THSD7B: variants seen among roughly 807,000 people sequenced by gnomAD.
The protein encoded by THSD7B is thrombospondin type 1 domain containing 7B, also known as thrombospondin type-1 domain-containing protein 7B.
A neutral mutation model predicts 213.6 loss-of-function variants in THSD7B; 138 were observed. The ratio of observed to expected loss-of-function variants is 0.65; its 90% CI spans 0.56 to 0.74. THSD7B has a LOEUF of 0.74. THSD7B is among the 30% of genes least tolerant of loss of function. The pLI is 0.00. For missense variants in THSD7B, 1,931 were observed against 1,991.5 expected, an observed-to-expected ratio of 0.97 and a Z score of 0.58; for synonymous variants, 742 against 687.0, an observed-to-expected ratio of 1.08 and a Z score of -1.25.
intron 12 of THSD7B, among the ~76,000 whole-genome samples, chr2:137,387,425 T>C (rs189802374): frequency 6.6e-6 from 1 of 152,360 alleles, no homozygotes; most frequent in Non-Finnish European, 1.5e-5. Flanking sequence ...TATAGAGCTA[T>C]TTGGAATAAT....
In THSD7B at chr2:136,832,371, T is replaced by C. The variant is rs562975488; in HGVS notation, c.-35-49773T>C. Among the ~76,000 whole-genome samples the C allele has an allele frequency of 4.6e-5, 7 of 152,178 alleles. No individual in the cohort carries two copies. The East Asian group carries it at 1.4e-3, about 29-fold the overall frequency. On this transcript the variant is annotated intron_variant, in intron 1 of 27. Transcript: ENST00000409968. ...GAACCAGGGGGGTGGATGGTTTAAG[T>C]CTCAGTCTGAGGACAGGAGAAGACT...
chr2:137,363,300 G>A (rs567114932), intron 12 of THSD7B, among the ~76,000 whole-genome samples: 11 of 152,172 alleles, frequency 7.2e-5, no homozygotes, highest in African/African-American at 1.2e-4. Context: ...ATCTAAAATC[G>A]ACACCCTAAC....
At chr2:136,809,850 A>C (rs1456359395) in intron 1 of THSD7B, among the ~76,000 whole-genome samples, 1 of 152,126 alleles carries the variant, frequency 6.6e-6, no homozygotes, top group Non-Finnish European at 1.5e-5. Context: ...TAATGAAAAA[A>C]GTGCCAGCCA....
intron 17 of THSD7B, among the ~76,000 whole-genome samples, chr2:137,590,789 A>G (rs1436922770): frequency 9.2e-6 from 1 of 108,582 alleles, no homozygotes; most frequent in African/African-American, 3.5e-5. Context: ...CTGCTTTGAA[A>G]TAGTTTTTTT....
intron 7 of THSD7B, among the ~76,000 whole-genome samples, chr2:137,204,212 A>G (rs1680936217): frequency 6.6e-6 from 1 of 152,108 alleles, no homozygotes; most frequent in African/African-American, 2.4e-5. Flanking sequence ...TGACACTTTT[A>G]TTTAAAGGAA....
At chr2:136,847,983 T>C (rs1683038221) in intron 1 of THSD7B, among the ~76,000 whole-genome samples, 1 of 152,178 alleles carries the variant, frequency 6.6e-6, no homozygotes, top group African/African-American at 2.4e-5. Context: ...CCATACTGGG[T>C]TGTCTCTCAC....
At chr2:136,768,772 A>G (rs1054821420) in intron 1 of THSD7B, among the ~76,000 whole-genome samples, 1 of 152,204 alleles carries the variant, frequency 6.6e-6, no homozygotes, top group African/African-American at 2.4e-5. Flanking sequence ...TATGGATTGC[A>G]CATAAGTGCT....
chr2:136,902,870 C>A (rs1209617006), intron 2 of THSD7B, among the ~76,000 whole-genome samples: 2 of 152,160 alleles, frequency 1.3e-5, no homozygotes, highest in Non-Finnish European at 2.9e-5. Flanking sequence ...AGCAGCCACT[C>A]CATTATATGC....
chr2:137,253,600 T>C (rs1431309537), intron 10 of THSD7B, among the ~76,000 whole-genome samples: 1 of 152,200 alleles, frequency 6.6e-6, no homozygotes, highest in Non-Finnish European at 1.5e-5. Flanking sequence ...CAATATAATA[T>C]GATTCTTATT....
intron 2 of THSD7B, among the ~76,000 whole-genome samples, chr2:137,008,698 G>A (rs1386673026): frequency 1.3e-5 from 2 of 152,028 alleles, no homozygotes; most frequent in African/African-American, 2.4e-5. Flanking sequence ...ATTTGCATGG[G>A]CATCACAATT....
Position 136,836,182 on chromosome 2 carries a change from T to G in THSD7B, c.-35-45962T>G, listed in dbSNP as rs369525789. On this transcript the variant is annotated intron_variant, in intron 1 of 27. Coordinates refer to ENST00000409968, the MANE Select transcript of THSD7B (RefSeq NM_001316349.2). ...ATTATTGTATTATTTAACACATATT[T>G]ATTCAAAAAGTGTGTATGTGAGCTG... 7.1e-4 allele frequency among the ~76,000 whole-genome samples: 108 copies of G among 152,328 alleles called. No individual in the cohort carries two copies. The South Asian group carries it at 0.022, about 31-fold the overall frequency.
intron 27 of THSD7B, among the ~76,000 whole-genome samples, chr2:137,675,901 C>A (rs1683689448): frequency 6.6e-6 from 1 of 152,244 alleles, no homozygotes; most frequent in South Asian, 2.1e-4. Context: ...GGGTGTTTTG[C>A]CCCATATCTT....
At chr2:136,968,193 A>G (rs915827125) in intron 2 of THSD7B, among the ~76,000 whole-genome samples, 9 of 152,238 alleles carry the variant, frequency 5.9e-5, no homozygotes, top group Admixed American at 5.2e-4. Flanking sequence ...TTATTTTCCA[A>G]CGTGATGAAA....
rs955514392 is a variant in THSD7B, at chr2:137,677,567, T to C, written c.*962T>C. The C allele has an allele frequency of 6.6e-6, 1 of 152,662 alleles. No individual in the cohort carries two copies. Among genetic ancestry groups the C allele is most frequent in the Non-Finnish European group, 1.5e-5 (1 of 68,042 alleles). The allele number at this position is 152,662 out of a possible 1,614,324, so 9.5% of individuals were successfully genotyped here. A position where few individuals can be genotyped will look rare whatever the true frequency, so the allele number is the denominator to read the frequency against. On this transcript the variant is annotated 3_prime_UTR_variant, in exon 28 of 28. Coordinates refer to ENST00000409968, the MANE Select transcript of THSD7B (RefSeq NM_001316349.2). Reference sequence around the variant, plus strand: ...CTGTTTGTACAAAGTCTTGCTTTTATAAGGTTTCAATAATATCTAAAACAA... The same window carrying C: ...CTGTTTGTACAAAGTCTTGCTTTTACAAGGTTTCAATAATATCTAAAACAA...
chr2:137,157,568 A>G (rs9287466), intron 5 of THSD7B, among the ~76,000 whole-genome samples: 111,796 of 151,970 alleles, frequency 0.74, 41,376 homozygotes, highest in Middle Eastern at 0.76. Flanking sequence ...CACCCAGAGA[A>G]GTGTCCTATG....
chr2:137,268,532 G>A (rs1177715805), intron 10 of THSD7B, among the ~76,000 whole-genome samples: 2 of 152,116 alleles, frequency 1.3e-5, no homozygotes, highest in Non-Finnish European at 2.9e-5. Flanking sequence ...ACCATGTAGG[G>A]TAGCTTCCTG....
At position 137,160,372 on chromosome 2, in the gene THSD7B, A is replaced by C; in HGVS notation, c.1525+4A>C. ...CATGATCCTCAGGGGAAAAAAGGTG[A>C]GTGCCTTGTTTGCATGCGCTTCATT... On this transcript the variant is annotated splice_donor_region_variant and intron_variant, in intron 6 of 27. Coordinates refer to ENST00000409968, the MANE Select transcript of THSD7B (RefSeq NM_001316349.2). The C allele has an allele frequency of 6.2e-7, 1 of 1,611,146 alleles. No homozygotes were observed. Among genetic ancestry groups the C allele is most frequent in the Non-Finnish European group, 8.5e-7 (1 of 1,178,874 alleles).
At chr2:137,166,249 G>A (rs1680126045) in intron 6 of THSD7B, among the ~76,000 whole-genome samples, 1 of 151,984 alleles carries the variant, frequency 6.6e-6, no homozygotes, top group African/African-American at 2.4e-5. Flanking sequence ...TTTAAATTGG[G>A]TCAGGTTTTA....
At chr2:136,992,795 G>A (rs1205081299) in intron 2 of THSD7B, among the ~76,000 whole-genome samples, 1 of 152,150 alleles carries the variant, frequency 6.6e-6, no homozygotes, top group Non-Finnish European at 1.5e-5. Flanking sequence ...ACAGCTACTA[G>A]CAATTGTAAG....
Sources: allele counts gnomAD v4.1 joint callset (sites outside exome capture counted in the v4.1 genomes callset), GRCh38; gene constraint gnomAD v4.1.1; transcripts MANE v1.5; gene names NCBI Gene and HGNC (gene_info 2026-07-23, HGNC 2026-07-21).